The following GLS variants were observed in gnomAD, a reference collection of about 807,000 sequenced individuals.
GLS encodes the protein glutaminase.
GLS carries 36 observed loss-of-function variants against 86.7 expected under a neutral mutation model. That is an observed-to-expected ratio of 0.42 (90% CI 0.32 to 0.55). The LOEUF (loss-of-function observed/expected upper bound fraction) is 0.55, where lower values mean the gene tolerates loss of function less well. Among genes scored for constraint, GLS ranks in the 20% least tolerant of loss-of-function variants. The pLI is 0.17. For missense variants in GLS, 528 were observed against 833.4 expected, an observed-to-expected ratio of 0.63 and a Z score of 4.51; for synonymous variants, 317 against 305.9, an observed-to-expected ratio of 1.04 and a Z score of -0.38.
chr2:190,896,393 T>C (rs1344966332), intron 3 of GLS: 1 of 152,220 alleles, frequency 6.6e-6, no homozygotes, highest in Non-Finnish European at 1.5e-5. Context: ...ATGTGTGTAA[T>C]GGATCCCAAA....
At position 190,915,696 on chromosome 2, in the gene GLS, G is replaced by C; in HGVS notation, c.1039-5328G>C. Among the ~76,000 whole-genome samples, 2 of 152,102 alleles carry C rather than the reference G, an allele frequency of 1.3e-5. 1 individual carries two copies. Among genetic ancestry groups the C allele is most frequent in the Non-Finnish European group, 2.9e-5 (2 of 68,012 alleles). On this transcript the variant is annotated intron_variant, in intron 7 of 17. Coordinates refer to ENST00000320717, the MANE Select transcript of GLS (RefSeq NM_014905.5). ...TCCTATTTTCCAAAAGAAAGACATA[G>C]TCTCATGTCTTTCAAATTTTAGTAC...
At chr2:190,890,122 A>G (rs1688512500) in intron 1 of GLS, among the ~76,000 whole-genome samples, 1 of 152,164 alleles carries the variant, frequency 6.6e-6, no homozygotes, top group Admixed American at 6.5e-5. Flanking sequence ...GACATTGGAC[A>G]TTCTGCTTGA....
intron 12 of GLS, among the ~76,000 whole-genome samples, chr2:190,928,698 G>GA (rs1468298205): frequency 2.2e-5 from 3 of 134,634 alleles, no homozygotes; most frequent in Non-Finnish European, 4.9e-5. Flanking sequence ...TTATGATTGG[G>GA]TTTTGTCTCC....
chr2:190,882,980 G>A (rs1232857798), intron 1 of GLS, among the ~76,000 whole-genome samples: 1 of 152,190 alleles, frequency 6.6e-6, no homozygotes, highest in African/African-American at 2.4e-5. Context: ...GTACAGAATT[G>A]CAAAATGCAG....
intron 6 of GLS, among the ~76,000 whole-genome samples, chr2:190,909,904 G>A (rs1179418823): frequency 6.6e-6 from 1 of 152,034 alleles, no homozygotes; most frequent in Non-Finnish European, 1.5e-5. Context: ...AGCCAGGTGT[G>A]GTATGTGCCT....
chr2:190,928,726 A>G (rs946857575), intron 12 of GLS, among the ~76,000 whole-genome samples: 3 of 147,508 alleles, frequency 2.0e-5, no homozygotes, highest in Non-Finnish European at 4.5e-5. Context: ...TTTTTTTTAA[A>G]TCTATTGGTC....
chr2:190,908,923 T>C (rs1490816570), intron 6 of GLS, among the ~76,000 whole-genome samples: 1 of 151,554 alleles, frequency 6.6e-6, no homozygotes, highest in Non-Finnish European at 1.5e-5. Context: ...ATACTCACAT[T>C]TATGTGATAC....
intron 7 of GLS, among the ~76,000 whole-genome samples, chr2:190,916,809 T>A (rs1689548669): frequency 6.6e-6 from 1 of 152,138 alleles, no homozygotes; most frequent in Non-Finnish European, 1.5e-5. Context: ...ATACGGAAGT[T>A]GTGTTTATAC....
chr2:190,936,704 C>T (rs903860323), intron 14 of GLS, among the ~76,000 whole-genome samples: 4 of 151,134 alleles, frequency 2.6e-5, no homozygotes, highest in Non-Finnish European at 4.5e-5. Flanking sequence ...GAATTTAAAG[C>T]ACTTTCCAAA....
chr2:190,912,818 A>G (rs115438626), intron 7 of GLS, among the ~76,000 whole-genome samples: 264 of 152,294 alleles, frequency 1.7e-3, no homozygotes, highest in African/African-American at 6.1e-3. Context: ...CTATTTCCTT[A>G]ATTTGAACTG....
chr2:190,881,827 G>C (rs549238440), intron 1 of GLS: 1 of 205,816 alleles, frequency 4.9e-6, no homozygotes, highest in East Asian at 1.2e-4. Flanking sequence ...GCGCCTGGCC[G>C]CCCGCCCCAG....
At chr2:190,950,736 A>T (rs1189442391) in intron 14 of GLS, among the ~76,000 whole-genome samples, 1 of 152,196 alleles carries the variant, frequency 6.6e-6, no homozygotes, top group African/African-American at 2.4e-5. Context: ...CAACCTGCAT[A>T]AGTGAATGCA....
Position 190,931,653 on chromosome 2 carries a change from A to T in GLS, c.1650+16A>T. The stretch of plus-strand genomic sequence containing the variant: ...TGATCAAAGGGTAAGCAAAATTCTT[A>T]TTTAGATAAGTATATAAAATTTTTA... On this transcript the variant is annotated intron_variant, in intron 14 of 17. Transcript: ENST00000320717. 1 of 1,237,314 alleles carries T rather than the reference A, an allele frequency of 8.1e-7. No individual in the cohort carries two copies. 76.6% of individuals were successfully genotyped at this position (1,237,314 alleles called of 1,614,324 possible). A position where few individuals can be genotyped will look rare whatever the true frequency, so the allele number is the denominator to read the frequency against.
Position 190,923,970 on chromosome 2 carries a change from TAA to T in GLS, c.1187_1188del (p.Lys396ArgfsTer25). 1 of 1,478,880 alleles carries T rather than the reference TAA, an allele frequency of 6.8e-7. No homozygotes were observed. The highest frequency in any genetic ancestry group is 9.3e-7 in the Non-Finnish European group (1 of 1,070,108). 91.6% of individuals were successfully genotyped at this position (1,478,880 alleles called of 1,614,324 possible). On this transcript the variant is annotated frameshift_variant, in exon 10 of 18. Transcript: ENST00000320717. LOFTEE classifies it high-confidence loss of function. ...CGAAATTTTGCAATAGGATATTACT[TAA>T]AAGAAAAGAAGGTTTTTAAATTTTT...
At position 190,945,529 on chromosome 2, in the gene GLS, G is replaced by C. The variant is rs535892907; in HGVS notation, c.1651-8036G>C. On this transcript the variant is annotated intron_variant, in intron 14 of 17. Transcript: ENST00000320717. ...ATAACAAAGAAATCATCCAGGTTTG[G>C]TGGCACATGCTTGTGGTCCCAGCTG... is the stretch of plus-strand genomic sequence containing the variant. Among the ~76,000 whole-genome samples, 307 of 152,112 alleles carry C rather than the reference G, an allele frequency of 2.0e-3. 1 individual carries two copies. Among genetic ancestry groups the C allele is most frequent in the Non-Finnish European group, 3.4e-3 (232 of 67,992 alleles).
At chr2:190,911,947 C>G (rs897438333) in intron 7 of GLS, among the ~76,000 whole-genome samples, 1 of 152,088 alleles carries the variant, frequency 6.6e-6, no homozygotes, top group African/African-American at 2.4e-5. Flanking sequence ...TCCTTCACTG[C>G]ACACAGTTAA....
At chr2:190,929,090 A>G (rs1042548022) in intron 12 of GLS, among the ~76,000 whole-genome samples, 45 of 151,414 alleles carry the variant, frequency 3.0e-4, no homozygotes, top group African/African-American at 9.9e-4. Flanking sequence ...GGTTCTAGCA[A>G]TTCTCCTATC....
chr2:190,883,553 C>T (rs1176771500), intron 1 of GLS, among the ~76,000 whole-genome samples: 1 of 152,190 alleles, frequency 6.6e-6, no homozygotes, highest in Non-Finnish European at 1.5e-5. Context: ...TTAAATGACA[C>T]ATAACTATTT....
At chr2:190,937,164 AACAT>A (rs1485830392) in intron 14 of GLS, among the ~76,000 whole-genome samples, 1 of 151,368 alleles carries the variant, frequency 6.6e-6, no homozygotes, top group African/African-American at 2.4e-5. Flanking sequence ...ATTATACATA[AACAT>A]ACACTCAAGT....
Sources: allele counts gnomAD v4.1 joint callset (sites outside exome capture counted in the v4.1 genomes callset), GRCh38; gene constraint gnomAD v4.1.1; transcripts MANE v1.5; gene names NCBI Gene and HGNC (gene_info 2026-07-23, HGNC 2026-07-21).